TNS3: variants seen among roughly 807,000 people sequenced by gnomAD.
TNS3 encodes tensin-3.
TNS3 carries 45 observed loss-of-function variants against 140.9 expected under a neutral mutation model. That is an observed-to-expected ratio of 0.32 (90% CI 0.25 to 0.41). TNS3 has a LOEUF of 0.41. Ranked by LOEUF, TNS3 falls within the 10% of genes least tolerant of loss-of-function variation. The pLI is 1.00. For missense variants in TNS3, 1,716 were observed against 1,906.7 expected (o/e 0.90, Z 1.86); for synonymous variants, 815 against 788.4 (o/e 1.03, Z -0.56).
At position 47,303,491 on chromosome 7, in the gene TNS3, G is replaced by A. The variant is rs369535435; in HGVS notation, c.2916C>T (p.Ser972=). Residue 972 remains serine (S), a synonymous_variant, in exon 22 of 31, where the codon AGC becomes AGT. Coordinates refer to ENST00000311160, the MANE Select transcript of TNS3 (RefSeq NM_022748.12). ...GSGRPTGSPL[S]AEFSGTRKDS... The stretch of plus-strand genomic sequence containing the variant: ...CCTTCCTGGTACCGGAGAACTCAGC[G>A]CTGAGGGGACTTCCGGTGGGCCGGC... 18 of 1,610,268 alleles carry A rather than the reference G, an allele frequency of 1.1e-5. No homozygotes were observed. Among genetic ancestry groups the A allele is most frequent in the Admixed American group, 6.7e-5 (4 of 59,982 alleles).
At chr7:47,305,094 A>G in intron 20 of TNS3, 91 bp from the exon 21 acceptor site, 2 of 1,078,754 alleles carry the variant, frequency 1.9e-6, no homozygotes, top group South Asian at 8.6e-5. Context: ...CACAAGAAAC[A>G]GTGCTGACTT....
chr7:47,352,678 GGTTGGTTCCT>G (rs1335638659), intron 17 of TNS3, among the ~76,000 whole-genome samples: 11 of 152,174 alleles, frequency 7.2e-5, no homozygotes, highest in Non-Finnish European at 1.2e-4. Context: ...ACTGTAGAGG[GGTTGGTTCCT>G]GGCTCCCTTC....
intron 4 of TNS3, among the ~76,000 whole-genome samples, chr7:47,443,079 G>A (rs1239758478): frequency 6.6e-6 from 1 of 152,084 alleles, no homozygotes; most frequent in Non-Finnish European, 1.5e-5. Flanking sequence ...GACAGGGGCA[G>A]GATCTAGGGG....
intron 4 of TNS3, among the ~76,000 whole-genome samples, chr7:47,451,230 G>A (rs944080534): frequency 4.6e-5 from 7 of 152,318 alleles, no homozygotes; most frequent in South Asian, 2.1e-4. Flanking sequence ...GGGCCTGTGC[G>A]CTGCTCCTAG....
intron 17 of TNS3, among the ~76,000 whole-genome samples, chr7:47,348,253 G>A (rs1167440879): frequency 6.6e-6 from 1 of 152,226 alleles, no homozygotes; most frequent in Non-Finnish European, 1.5e-5. Context: ...TGACGGAAAG[G>A]AAGTGTCATG....
At chr7:47,558,995 G>GC (rs1562856315) in intron 1 of TNS3, among the ~76,000 whole-genome samples, 1 of 152,188 alleles carries the variant, frequency 6.6e-6, no homozygotes, top group African/African-American at 2.4e-5. Flanking sequence ...AGCAAATCTC[G>GC]CAACGCCCGT....
At chr7:47,352,301 C>A (rs1789729154) in intron 17 of TNS3, among the ~76,000 whole-genome samples, 1 of 151,234 alleles carries the variant, frequency 6.6e-6, no homozygotes, top group South Asian at 2.1e-4. Flanking sequence ...CATTGTCACA[C>A]TCACATTCAG....
At chr7:47,325,234 T>C (rs1049335683) in intron 20 of TNS3, among the ~76,000 whole-genome samples, 2 of 152,220 alleles carry the variant, frequency 1.3e-5, no homozygotes, top group Non-Finnish European at 2.9e-5. Context: ...CTTTTCTATC[T>C]GTACTTGGTC....
chr7:47,334,539 T>C (rs1212935499), intron 20 of TNS3, among the ~76,000 whole-genome samples: 1 of 152,098 alleles, frequency 6.6e-6, no homozygotes, highest in East Asian at 1.9e-4. Context: ...GCTTTTATGT[T>C]ATGTGTTTAT....
chr7:47,490,718 G>A (rs1234057256), intron 3 of TNS3, among the ~76,000 whole-genome samples: 1 of 152,236 alleles, frequency 6.6e-6, no homozygotes, highest in African/African-American at 2.4e-5. Flanking sequence ...TGGGCATGAG[G>A]GCGTTTGTGA....
chr7:47,482,812 G>A (rs1480191552), intron 3 of TNS3, among the ~76,000 whole-genome samples: 1 of 152,120 alleles, frequency 6.6e-6, no homozygotes, highest in Non-Finnish European at 1.5e-5. Flanking sequence ...CTAAGTGAAA[G>A]AAGCCACTCT....
At chr7:47,438,203 G>A (rs1424245429) in intron 6 of TNS3, among the ~76,000 whole-genome samples, 1 of 152,198 alleles carries the variant, frequency 6.6e-6, no homozygotes, top group Non-Finnish European at 1.5e-5. Flanking sequence ...AAGGGGGGGC[G>A]CTGCTTTGTG....
intron 1 of TNS3, among the ~76,000 whole-genome samples, chr7:47,532,756 A>G (rs1361928959): frequency 1.3e-5 from 2 of 152,166 alleles, no homozygotes; most frequent in African/African-American, 4.8e-5. Context: ...GGACACCCCA[A>G]AGATCCCATA....
intron 1 of TNS3, among the ~76,000 whole-genome samples, chr7:47,532,342 G>A (rs986917012): frequency 3.3e-5 from 5 of 152,100 alleles, no homozygotes; most frequent in Admixed American, 1.3e-4. Context: ...GCCCATGGCC[G>A]CCCATGGACC....
In TNS3 at chr7:47,303,273, T is replaced by A. The variant is rs576511975; in HGVS notation, c.3134A>T (p.His1045Leu). 1 of 1,613,306 alleles carries A rather than the reference T, an allele frequency of 6.2e-7. No homozygotes were observed. Among genetic ancestry groups the A allele is most frequent in the African/African-American group, 1.3e-5 (1 of 75,040 alleles). Residue 1045 changes from histidine (H) to leucine (L), a missense_variant, in exon 22 of 31, where the codon CAT becomes CTT. Transcript: ENST00000311160. ...GATGCTGGGGGTCGGTGACGCTCCA[T>A]GAGAATTGGCCAGCAAGGCCCCCAG... ...EDLGALLANS[H>L]GASPTPSIPL...
Position 47,439,432 on chromosome 7 carries a change from C to T in TNS3, c.150+55G>A. The T allele has an allele frequency of 3.8e-6, 6 of 1,590,338 alleles. No homozygotes were observed. The South Asian group carries it at 6.9e-5, about 18-fold the overall frequency. ...AGTGTTCTGTGAGTGCCCATCCCTACACAGTGCCTGCTGCAGAGCCTGCCC... is the reference window on the plus strand; with the variant it reads ...AGTGTTCTGTGAGTGCCCATCCCTATACAGTGCCTGCTGCAGAGCCTGCCC... On this transcript the variant is annotated intron_variant, in intron 6 of 30. Coordinates refer to ENST00000311160, the MANE Select transcript of TNS3 (RefSeq NM_022748.12).
In TNS3 at chr7:47,368,913, G is replaced by A; in HGVS notation, c.1733C>T (p.Ala578Val). 1 of 1,613,512 alleles carries A rather than the reference G, an allele frequency of 6.2e-7. No individual in the cohort carries two copies. The highest frequency in any genetic ancestry group is 8.5e-7 in the Non-Finnish European group (1 of 1,179,754). The change falls in exon 17 of 31, where the codon GCC becomes GTC. Residue 578 changes from alanine (A) to valine (V), a missense_variant. Coordinates refer to ENST00000311160, the MANE Select transcript of TNS3 (RefSeq NM_022748.12). ...RKPSVSAQMQAYGQSSYSTQT... is the reference protein window; with the variant it reads ...RKPSVSAQMQVYGQSSYSTQT... ...TGTGGAGTAGCTGCTCTGCCCATAG[G>A]CCTGCATCTGGGCGGACACTGAGGG...
At chr7:47,530,491 C>T (rs1799352312) in intron 1 of TNS3, among the ~76,000 whole-genome samples, 1 of 151,562 alleles carries the variant, frequency 6.6e-6, no homozygotes, top group Admixed American at 6.6e-5. Context: ...CTTTTTCAAA[C>T]CAGGAGGAAA....
intron 4 of TNS3, among the ~76,000 whole-genome samples, chr7:47,444,392 A>G (rs74533316): frequency 0.026 from 3,929 of 152,242 alleles, 73 homozygotes; most frequent in East Asian, 0.075. Context: ...ACCGTGAAAG[A>G]CTGGCACGCA....
Sources: allele counts gnomAD v4.1 joint callset (sites outside exome capture counted in the v4.1 genomes callset), GRCh38; gene constraint gnomAD v4.1.1; transcripts MANE v1.5; gene names NCBI Gene and HGNC (gene_info 2026-07-23, HGNC 2026-07-21).